The following CDK7 variants were observed in gnomAD, a reference collection of about 807,000 sequenced individuals.
CDK7 encodes cyclin-dependent kinase 7.
A neutral mutation model predicts 49.1 loss-of-function variants in CDK7; 25 were observed. The observed-to-expected ratio is 0.51, with a 90% confidence interval of 0.37 to 0.71. The LOEUF (loss-of-function observed/expected upper bound fraction) is 0.71. Ranked by LOEUF, CDK7 falls within the 30% of genes least tolerant of loss-of-function variation. The pLI is 0.00. For missense variants in CDK7, 316 were observed against 411.7 expected, an observed-to-expected ratio of 0.77 and a Z score of 2.01; for synonymous variants, 107 against 140.0, an observed-to-expected ratio of 0.76 and a Z score of 1.67.
At chr5:69,254,829 C>T (rs1750385277) in intron 4 of CDK7, among the ~76,000 whole-genome samples, 160 bp downstream of exon 4, 1 of 152,180 alleles carries the variant, frequency 6.6e-6, no homozygotes, top group South Asian at 2.1e-4. Context: ...TAGGCATTGT[C>T]TTCAAAACTA....
At chr5:69,265,605 A>G (rs976786871) in intron 8 of CDK7, among the ~76,000 whole-genome samples, 1 of 152,166 alleles carries the variant, frequency 6.6e-6, no homozygotes, top group Non-Finnish European at 1.5e-5. Context: ...ACTACAATTT[A>G]TTACATCAGA....
chr5:69,260,223 G>A (rs1443073557), intron 7 of CDK7, among the ~76,000 whole-genome samples: 2 of 152,118 alleles, frequency 1.3e-5, no homozygotes, highest in African/African-American at 2.4e-5. Flanking sequence ...GGTGGCGCAC[G>A]CCTGTAATCC....
chr5:69,257,680 AC>A (rs1263977282), intron 5 of CDK7, among the ~76,000 whole-genome samples: 1 of 152,096 alleles, frequency 6.6e-6, no homozygotes, highest in East Asian at 1.9e-4. Flanking sequence ...TCATGTGCCT[AC>A]CTCTGGAGGC....
rs190741123 is a variant in CDK7, at chr5:69,265,345, A to G, written c.627+3041A>G. On this transcript the variant is annotated intron_variant, in intron 8 of 11. Transcript: ENST00000256443. The stretch of plus-strand genomic sequence containing the variant: ...AAAAAAATTCTAAAGGCTCTGCATG[A>G]AAAAAAAAAACCTGTGCCAAGACAC... Among the ~76,000 whole-genome samples the G allele has an allele frequency of 7.5e-5, 11 of 147,274 alleles. No homozygotes were observed. In the East Asian group the frequency reaches 2.2e-3, roughly 29 times the overall value.
chr5:69,255,656 T>G (rs1372686860), intron 5 of CDK7, 128 bp downstream of exon 5: 2 of 772,832 alleles, frequency 2.6e-6, no homozygotes, highest in Non-Finnish European at 4.7e-6. Flanking sequence ...GAAATTTGGA[T>G]GTACTCTGAG....
intron 9 of CDK7, among the ~76,000 whole-genome samples, chr5:69,269,503 C>T (rs143203636): frequency 6.6e-6 from 1 of 152,104 alleles, no homozygotes; most frequent in African/African-American, 2.4e-5. Context: ...CCTTTCCCCC[C>T]ACCCCAGTAA....
intron 8 of CDK7, among the ~76,000 whole-genome samples, chr5:69,263,336 T>C (rs558516410): frequency 8.5e-5 from 13 of 152,308 alleles, no homozygotes; most frequent in African/African-American, 2.9e-4. Context: ...CAAGATTGAA[T>C]AGCTTTTTTA....
intron 10 of CDK7, among the ~76,000 whole-genome samples, chr5:69,274,828 C>A (rs1364958914): frequency 6.6e-6 from 1 of 152,140 alleles, no homozygotes; most frequent in African/African-American, 2.4e-5. Flanking sequence ...GTTATCGAGG[C>A]TGATCTCGAA....
intron 2 of CDK7, among the ~76,000 whole-genome samples, chr5:69,237,639 T>G (rs1749088861): frequency 6.6e-6 from 1 of 152,202 alleles, no homozygotes; most frequent in Non-Finnish European, 1.5e-5. Context: ...AGTACATTTG[T>G]AGACACTGTT....
At chr5:69,242,898 A>T (rs915715837) in intron 2 of CDK7, among the ~76,000 whole-genome samples, 1 of 152,102 alleles carries the variant, frequency 6.6e-6, no homozygotes. Flanking sequence ...ATACAAAATT[A>T]TCCGGGCGTG....
intron 2 of CDK7, among the ~76,000 whole-genome samples, chr5:69,243,225 G>A (rs940760465): frequency 3.9e-5 from 6 of 152,190 alleles, no homozygotes; most frequent in Non-Finnish European, 7.3e-5. Context: ...GGAAGTGTAC[G>A]TTTGTAAAGG....
intron 3 of CDK7, among the ~76,000 whole-genome samples, chr5:69,252,861 G>A (rs1010551659): frequency 6.6e-6 from 1 of 152,238 alleles, no homozygotes; most frequent in Non-Finnish European, 1.5e-5. Context: ...TAATAAGTTA[G>A]TAATGGTTCT....
chr5:69,258,265 T>C, intron 6 of CDK7, 112 bp downstream of exon 6: 1 of 571,176 alleles, frequency 1.8e-6, no homozygotes, highest in Non-Finnish European at 3.1e-6. Flanking sequence ...GCTGACTGTT[T>C]TATCCCATCT....
intron 2 of CDK7, among the ~76,000 whole-genome samples, chr5:69,244,756 C>A (rs1050964312): frequency 4.0e-5 from 6 of 151,614 alleles, no homozygotes; most frequent in Non-Finnish European, 8.8e-5. Flanking sequence ...AGTGGGCATT[C>A]TTGGTGTGTT....
chr5:69,243,450 GA>G (rs1311754716), intron 2 of CDK7, among the ~76,000 whole-genome samples: 1 of 152,222 alleles, frequency 6.6e-6, no homozygotes, highest in African/African-American at 2.4e-5. Flanking sequence ...GTTTGCTGTA[GA>G]TGTATGGATT....
At chr5:69,253,896 C>A (rs144468107) in intron 3 of CDK7, among the ~76,000 whole-genome samples, 4 of 151,562 alleles carry the variant, frequency 2.6e-5, no homozygotes, top group African/African-American at 9.7e-5. Flanking sequence ...CTCAGGAGTT[C>A]GAAACCAGCC....
intron 2 of CDK7, among the ~76,000 whole-genome samples, chr5:69,245,308 TCCCCCTCCCCTTC>T (rs1749675328): frequency 1.2e-5 from 1 of 84,122 alleles, no homozygotes; most frequent in Admixed American, 1.6e-4. Context: ...CCCCTCCCCT[TCCCCCTCCCCTTC>T]CCCTCCCTTA....
chr5:69,262,075 A>G, intron 7 of CDK7, 130 bp from the exon 8 acceptor site: 2 of 1,011,850 alleles, frequency 2.0e-6, no homozygotes, highest in African/African-American at 1.6e-5. Flanking sequence ...ATGAAAGAGT[A>G]TGGTATCTAG....
chr5:69,237,375 A>G (rs1749070454), intron 2 of CDK7, among the ~76,000 whole-genome samples: 2 of 152,044 alleles, frequency 1.3e-5, no homozygotes, highest in South Asian at 4.1e-4. Context: ...GGATCATTGC[A>G]TTTGGTCTGG....
Sources: allele counts gnomAD v4.1 joint callset (sites outside exome capture counted in the v4.1 genomes callset), GRCh38; gene constraint gnomAD v4.1.1; transcripts MANE v1.5; gene names NCBI Gene and HGNC (gene_info 2026-07-23, HGNC 2026-07-21).